The following LRRC7 variants were observed in gnomAD, a reference collection of about 807,000 sequenced individuals.
LRRC7 encodes leucine rich repeat containing 7, also known as leucine-rich repeat-containing protein 7.
LRRC7 carries 23 observed loss-of-function variants against 175.7 expected under a neutral mutation model. That is an observed-to-expected ratio of 0.13 (90% CI 0.09 to 0.19). The LOEUF is 0.19. Among genes scored for constraint, LRRC7 ranks in the 10% least tolerant of loss-of-function variants. The probability of loss-of-function intolerance (pLI) is 1.00; values close to 1 mark genes in which losing one functional copy is unlikely to be tolerated. For synonymous variants in LRRC7, 685 were observed against 680.9 expected (o/e 1.01, Z -0.09); for missense variants, 1,354 against 1,904.7 (o/e 0.71, Z 5.38).
At chr1:69,626,908 C>A (rs888764283) in intron 1 of LRRC7, among the ~76,000 whole-genome samples, 6 of 151,956 alleles carry the variant, frequency 3.9e-5, no homozygotes, top group Admixed American at 6.6e-5. Context: ...TGAACTCATC[C>A]TTTTTTGTTG....
At chr1:69,964,331 T>G (rs1309285613) in intron 8 of LRRC7, among the ~76,000 whole-genome samples, 3 of 152,206 alleles carry the variant, frequency 2.0e-5, no homozygotes, top group African/African-American at 7.2e-5. Flanking sequence ...GTCATTCACC[T>G]ATTACGTATG....
rs190664037 is a variant in LRRC7, at chr1:70,059,216, G to C, written c.4230+6071G>C. Among the ~76,000 whole-genome samples, 35 of 152,246 alleles carry C rather than the reference G, an allele frequency of 2.3e-4. No individual in the cohort carries two copies. The East Asian group carries it at 3.3e-3, about 14-fold the overall frequency. ...TCTGTTCCCTCCCTGAGTGTTCTAG[G>C]TTAAGTGCATAATGACTTGGCAGTT... On this transcript the variant is annotated intron_variant, in intron 23 of 26. Transcript: ENST00000651989.
chr1:69,651,158 C>T (rs1383479191), intron 1 of LRRC7, among the ~76,000 whole-genome samples: 1 of 152,104 alleles, frequency 6.6e-6, no homozygotes, highest in Non-Finnish European at 1.5e-5. Context: ...AATATGTTAA[C>T]TTTTCCATAT....
chr1:70,118,214 T>C (rs1465897833), intron 26 of LRRC7, among the ~76,000 whole-genome samples: 1 of 152,110 alleles, frequency 6.6e-6, no homozygotes, highest in Non-Finnish European at 1.5e-5. Flanking sequence ...CCGTCTGAAC[T>C]ATCCAAGATG....
At position 69,948,118 on chromosome 1, in the gene LRRC7, T is replaced by C. The variant is rs189525890; in HGVS notation, c.711+16548T>C. ...AGGACAGTGCGAGATTTCATCCTGC[T>C]ACTCAGAACAGTGCACAATTTAAAA... On this transcript the variant is annotated intron_variant, in intron 8 of 26. Transcript: ENST00000651989. 2.6e-5 allele frequency among the ~76,000 whole-genome samples: 4 copies of C among 152,280 alleles called. No individual in the cohort carries two copies. The East Asian group carries it at 7.7e-4, about 29-fold the overall frequency.
chr1:70,122,358 A>C lies in LRRC7; in HGVS notation c.*471A>C, dbSNP rs1435011276. On this transcript the variant is annotated 3_prime_UTR_variant, in exon 27 of 27. Transcript: ENST00000651989. ...GTTGGCATATATACAAAAAGAATAT[A>C]GAGAAAAACAATATTTTCATAAACT... The C allele has an allele frequency of 1.3e-5, 2 of 152,332 alleles. No homozygotes were observed. The allele number at this position is 152,332 out of a possible 1,614,324, so 9.4% of individuals were successfully genotyped here.
At chr1:69,720,230 T>C (rs914544371) in intron 2 of LRRC7, among the ~76,000 whole-genome samples, 1 of 151,666 alleles carries the variant, frequency 6.6e-6, no homozygotes, top group Non-Finnish European at 1.5e-5. Flanking sequence ...AAACAGATAC[T>C]TCTTGTTATT....
At chr1:69,721,905 T>C (rs929906355) in intron 2 of LRRC7, among the ~76,000 whole-genome samples, 1 of 151,892 alleles carries the variant, frequency 6.6e-6, no homozygotes, top group Non-Finnish European at 1.5e-5. Flanking sequence ...TTTAAGTGTA[T>C]ACTTCAGTGG....
chr1:69,858,474 A>C (rs989759920), intron 7 of LRRC7, among the ~76,000 whole-genome samples: 18 of 151,726 alleles, frequency 1.2e-4, no homozygotes. Context: ...AAAAATCCAC[A>C]AAGACAAGGG....
At chr1:69,584,078 G>A (rs1646308387) in intron 1 of LRRC7, among the ~76,000 whole-genome samples, 2 of 152,176 alleles carry the variant, frequency 1.3e-5, no homozygotes, top group South Asian at 4.1e-4. Context: ...TTTTGTACTT[G>A]TCAATGCTTG....
At chr1:70,024,932 A>T (rs952548726) in intron 17 of LRRC7, among the ~76,000 whole-genome samples, 2 of 152,128 alleles carry the variant, frequency 1.3e-5, no homozygotes, top group Non-Finnish European at 2.9e-5. Flanking sequence ...AGCTTTATTT[A>T]AAAAAATAGA....
At chr1:69,610,653 T>C (rs1435796501) in intron 1 of LRRC7, among the ~76,000 whole-genome samples, 1 of 151,992 alleles carries the variant, frequency 6.6e-6, no homozygotes, top group Non-Finnish European at 1.5e-5. Flanking sequence ...ATTAAATTAG[T>C]GATATATTTA....
chr1:70,028,050 C>T (rs887606546), intron 17 of LRRC7, 121 bp from the exon 18 acceptor site: 3 of 851,800 alleles, frequency 3.5e-6, no homozygotes, highest in African/African-American at 3.4e-5. Context: ...CAGAGTTTCT[C>T]AGCCAGCTCA....
chr1:69,599,189 A>T lies in LRRC7; in HGVS notation c.2+30548A>T, dbSNP rs368862089. Reference sequence around the variant, plus strand: ...TAAGTAATAGGTCTAGGATCACAGAAGTAGGATGGAATATAGTTGGAGTTT... The same window carrying T: ...TAAGTAATAGGTCTAGGATCACAGATGTAGGATGGAATATAGTTGGAGTTT... On this transcript the variant is annotated intron_variant, in intron 1 of 26. Coordinates refer to ENST00000651989, the MANE Select transcript of LRRC7 (RefSeq NM_001370785.2). Among the ~76,000 whole-genome samples, 8 of 152,220 alleles carry T rather than the reference A, an allele frequency of 5.3e-5. No homozygotes were observed. In the East Asian group the frequency reaches 1.5e-3, roughly 29 times the overall value.
intron 5 of LRRC7, among the ~76,000 whole-genome samples, chr1:69,828,774 G>A (rs972659497): frequency 6.6e-6 from 1 of 151,952 alleles, no homozygotes; most frequent in Non-Finnish European, 1.5e-5. Flanking sequence ...ATGTTTTGAT[G>A]TAAAATGCCT....
intron 10 of LRRC7, among the ~76,000 whole-genome samples, chr1:69,992,680 G>T (rs1323046758): frequency 6.6e-6 from 1 of 152,164 alleles, no homozygotes; most frequent in Non-Finnish European, 1.5e-5. Context: ...TAAACCCACA[G>T]ACTTGGAGCT....
At chr1:69,732,641 A>G (rs529822082) in intron 2 of LRRC7, among the ~76,000 whole-genome samples, 8 of 152,178 alleles carry the variant, frequency 5.3e-5, no homozygotes, top group Non-Finnish European at 1.2e-4. Flanking sequence ...TACTGAAGAA[A>G]ACAGAATTCT....
chr1:69,945,056 G>A (rs1004823595), intron 8 of LRRC7, among the ~76,000 whole-genome samples: 1 of 151,798 alleles, frequency 6.6e-6, no homozygotes, highest in African/African-American at 2.4e-5. Context: ...TCTGCTTTTG[G>A]GTTATATCCA....
intron 1 of LRRC7, among the ~76,000 whole-genome samples, chr1:69,601,885 C>T (rs1025122376): frequency 2.0e-5 from 3 of 152,096 alleles, no homozygotes; most frequent in Admixed American, 6.5e-5. Flanking sequence ...TGCTTTGGGA[C>T]AGCTGAATTC....
Sources: gnomAD v4.1 joint callset for allele counts (sites outside exome capture counted in the v4.1 genomes callset) on GRCh38, gnomAD v4.1.1 for gene constraint, MANE v1.5 for transcripts, NCBI Gene and HGNC (gene_info 2026-07-23, HGNC 2026-07-21) for gene names.